DLG2: variants seen among roughly 807,000 people sequenced by gnomAD.
The protein encoded by DLG2 is disks large homolog 2.
In DLG2, 45 loss-of-function variants were observed where a neutral mutation model predicts 132.5. The observed-to-expected ratio is 0.34, with a 90% CI of 0.27 to 0.44. The LOEUF is 0.44. DLG2 is among the 20% of genes least tolerant of loss of function. DLG2 has a pLI of 1.00. For missense variants in DLG2, 1,045 were observed against 1,196.9 expected, an observed-to-expected ratio of 0.87 and a Z score of 1.87; for synonymous variants, 424 against 419.6, an observed-to-expected ratio of 1.01 and a Z score of -0.13.
chr11:84,460,688 G>A (rs1010056619), intron 7 of DLG2, among the ~76,000 whole-genome samples: 2 of 150,094 alleles, frequency 1.3e-5, no homozygotes, highest in South Asian at 4.2e-4. Context: ...GCATGTGTGT[G>A]GTAATTTTAT....
intron 3 of DLG2, among the ~76,000 whole-genome samples, chr11:85,499,742 T>C (rs1027436575): frequency 1.3e-5 from 2 of 152,104 alleles, no homozygotes; most frequent in African/African-American, 4.8e-5. Flanking sequence ...AAACAGCCTA[T>C]CCACCATGAT....
chr11:85,468,869 G>C (rs764365027), intron 3 of DLG2, among the ~76,000 whole-genome samples: 8 of 152,100 alleles, frequency 5.3e-5, no homozygotes, highest in African/African-American at 1.2e-4. Context: ...CATTGCCTAA[G>C]TTGGTCTTCA....
At chr11:84,127,196 G>C (rs1413580523) in intron 9 of DLG2, among the ~76,000 whole-genome samples, 1 of 152,156 alleles carries the variant, frequency 6.6e-6, no homozygotes, top group Non-Finnish European at 1.5e-5. Flanking sequence ...CATGACTTCA[G>C]AGAGTGCGCC....
In DLG2 at chr11:85,154,622, A is replaced by G; in HGVS notation, c.216T>C (p.Asn72=). The G allele has an allele frequency of 6.5e-7, 1 of 1,535,370 alleles. No homozygotes were observed. Among genetic ancestry groups the G allele is most frequent in the Non-Finnish European group, 8.8e-7 (1 of 1,134,172 alleles). Residue 72 remains asparagine (N), a synonymous_variant, in exon 5 of 28, where the codon AAT becomes AAC. Transcript: ENST00000376104. ...CTTTATTTTGCTCAATACATGAAGCATTTTCCTTTGATCCACTGCAATCTG... is the reference window on the plus strand; with the variant it reads ...CTTTATTTTGCTCAATACATGAAGCGTTTTCCTTTGATCCACTGCAATCTG... ...ELTDCSGSKE[N]ASCIEQNKEN... is the part of the protein sequence containing the mutation.
At chr11:84,463,817 T>C (rs193093825) in intron 7 of DLG2, among the ~76,000 whole-genome samples, 32 of 151,212 alleles carry the variant, frequency 2.1e-4, no homozygotes, top group Non-Finnish European at 1.3e-4. Context: ...TTCAATATTA[T>C]CTGTGTCCCT....
At chr11:85,326,377 G>A (rs1334569096) in intron 3 of DLG2, among the ~76,000 whole-genome samples, 1 of 130,516 alleles carries the variant, frequency 7.7e-6, no homozygotes, top group Non-Finnish European at 1.6e-5. Context: ...AGAGAGAAAG[G>A]TCGGGTTACC....
chr11:83,576,513 AATTT>A (rs2096876126), intron 19 of DLG2, among the ~76,000 whole-genome samples: 4 of 152,132 alleles, frequency 2.6e-5, no homozygotes, highest in Non-Finnish European at 4.4e-5. Context: ...AAAAAGAAAA[AATTT>A]ATTTATGCCA....
chr11:83,696,676 C>T (rs950979119), intron 18 of DLG2, among the ~76,000 whole-genome samples: 212 of 152,138 alleles, frequency 1.4e-3, no homozygotes, highest in African/African-American at 4.7e-3. Context: ...CTCTACCTTC[C>T]GAGAGGGAAA....
intron 15 of DLG2, among the ~76,000 whole-genome samples, chr11:83,906,270 C>G (rs867058435): frequency 0.054 from 4,461 of 81,944 alleles, 163 homozygotes; most frequent in Middle Eastern, 0.083. Context: ...CACACACACA[C>G]ACACACACAC....
chr11:84,467,715 T>C (rs1191319753), intron 7 of DLG2, among the ~76,000 whole-genome samples: 1 of 151,424 alleles, frequency 6.6e-6, no homozygotes, highest in Non-Finnish European at 1.5e-5. Context: ...GGAATTTGAA[T>C]AGGGACTAGC....
At chr11:83,559,872 T>C (rs1041352003) in intron 19 of DLG2, among the ~76,000 whole-genome samples, 2 of 152,200 alleles carry the variant, frequency 1.3e-5, no homozygotes, top group African/African-American at 4.8e-5. Context: ...ATAAGGGTAC[T>C]GGAAGGAACC....
At chr11:85,098,061 C>T (rs959516385) in intron 6 of DLG2, among the ~76,000 whole-genome samples, 1 of 152,190 alleles carries the variant, frequency 6.6e-6, no homozygotes, top group Non-Finnish European at 1.5e-5. Context: ...CTTCAAACAA[C>T]ACTATAAATC....
At chr11:84,199,787 C>T (rs1263685513) in intron 8 of DLG2, among the ~76,000 whole-genome samples, 1 of 151,988 alleles carries the variant, frequency 6.6e-6, no homozygotes, top group African/African-American at 2.4e-5. Flanking sequence ...AATAAACCTA[C>T]AGTGTCAGTT....
chr11:84,326,758 C>G (rs2098435164), intron 7 of DLG2, among the ~76,000 whole-genome samples: 1 of 152,064 alleles, frequency 6.6e-6, no homozygotes, highest in Non-Finnish European at 1.5e-5. Context: ...CATTCAAGTC[C>G]TCTGTTTCCT....
At chr11:83,956,400 C>T (rs1173940746) in intron 14 of DLG2, among the ~76,000 whole-genome samples, 1 of 152,198 alleles carries the variant, frequency 6.6e-6, no homozygotes, top group Non-Finnish European at 1.5e-5. Flanking sequence ...TACTGTGACA[C>T]CCTCTCTGGG....
chr11:84,623,805 A>G (rs1026051701), intron 6 of DLG2, among the ~76,000 whole-genome samples: 2 of 152,202 alleles, frequency 1.3e-5, no homozygotes, highest in African/African-American at 4.8e-5. Context: ...CATAGTATAC[A>G]TACGTCCTTC....
In DLG2 at chr11:83,849,241, T is replaced by A. The variant is rs1418463762; in HGVS notation, c.1566-15471A>T. Reference sequence around the variant, plus strand: ...ACTTACATTGTGGTTTTTGTGAGGATTAAATGGGATAATAAATGCAAATTC... The same window carrying A: ...ACTTACATTGTGGTTTTTGTGAGGAATAAATGGGATAATAAATGCAAATTC... On this transcript the variant is annotated intron_variant, in intron 16 of 27. Transcript: ENST00000376104. Among the ~76,000 whole-genome samples the A allele has an allele frequency of 2.0e-5, 3 of 149,932 alleles. No individual in the cohort carries two copies. The East Asian group carries it at 5.8e-4, about 29-fold the overall frequency.
intron 6 of DLG2, among the ~76,000 whole-genome samples, chr11:84,651,921 T>C (rs754939009): frequency 6.6e-5 from 10 of 152,086 alleles, no homozygotes; most frequent in Non-Finnish European, 1.2e-4. Flanking sequence ...CCAGTAATAA[T>C]GAAGTGGTCA....
chr11:85,289,216 T>G (rs1451796529), intron 3 of DLG2, among the ~76,000 whole-genome samples: 1 of 152,134 alleles, frequency 6.6e-6, no homozygotes, highest in Non-Finnish European at 1.5e-5. Context: ...CAAGAATTAT[T>G]TTTTAATAAT....
Sources: allele counts gnomAD v4.1 joint callset (sites outside exome capture counted in the v4.1 genomes callset), GRCh38; gene constraint gnomAD v4.1.1; transcripts MANE v1.5; gene names NCBI Gene and HGNC (gene_info 2026-07-23, HGNC 2026-07-21).